MCTP1: variants seen among roughly 807,000 people sequenced by gnomAD.
The protein encoded by MCTP1 is multiple C2 and transmembrane domain-containing protein 1.
A neutral mutation model predicts 120.6 loss-of-function variants in MCTP1; 69 were observed. That is an observed-to-expected ratio of 0.57 (90% CI 0.47 to 0.70). MCTP1 has a LOEUF of 0.70. Among genes scored for constraint, MCTP1 ranks in the 30% least tolerant of loss-of-function variants. The pLI is 0.00. For synonymous variants in MCTP1, 529 were observed against 493.1 expected (o/e 1.07, Z -0.96); for missense variants, 1,203 against 1,248.8 (o/e 0.96, Z 0.55).
At chr5:95,043,131 C>T (rs927711408) in intron 1 of MCTP1, among the ~76,000 whole-genome samples, 2 of 152,182 alleles carry the variant, frequency 1.3e-5, no homozygotes, top group South Asian at 2.1e-4. Flanking sequence ...GTTTCCCATA[C>T]AGCTGCCAAG....
chr5:94,720,664 C>T (rs986358468), intron 19 of MCTP1, among the ~76,000 whole-genome samples: 4 of 152,048 alleles, frequency 2.6e-5, no homozygotes, highest in African/African-American at 4.8e-5. Context: ...TTCTTCATAC[C>T]TTCCTGTAAT....
chr5:94,813,606 G>A (rs1346862522), intron 17 of MCTP1, among the ~76,000 whole-genome samples: 1 of 152,032 alleles, frequency 6.6e-6, no homozygotes, highest in Non-Finnish European at 1.5e-5. Context: ...TATATCCAAG[G>A]AATACTATTC....
At chr5:94,831,699 T>C in intron 17 of MCTP1, among the ~76,000 whole-genome samples, 1 of 150,260 alleles carries the variant, frequency 6.7e-6, no homozygotes, top group African/African-American at 2.5e-5. Flanking sequence ...CTTTAATGAG[T>C]TTTATTTTAA....
intron 12 of MCTP1, among the ~76,000 whole-genome samples, chr5:94,881,737 G>A (rs1296726822): frequency 2.0e-5 from 3 of 152,116 alleles, no homozygotes; most frequent in African/African-American, 7.2e-5. Context: ...GATAATTCTT[G>A]CACCAAGCTC....
intron 1 of MCTP1, among the ~76,000 whole-genome samples, chr5:95,171,879 T>A (rs537624199): frequency 1.3e-5 from 2 of 152,056 alleles, no homozygotes; most frequent in South Asian, 2.1e-4. Flanking sequence ...CTCGGAGGAG[T>A]TTAATCGTCT....
intron 6 of MCTP1, 57 bp from the exon 7 acceptor site, chr5:94,924,078 T>C (rs1812390376): frequency 2.0e-6 from 2 of 1,003,562 alleles, no homozygotes; most frequent in Admixed American, 5.7e-5. Context: ...ATAATTAATA[T>C]TGTAAATACA....
At chr5:94,894,560 C>T in intron 11 of MCTP1, 89 bp downstream of exon 11, 1 of 990,078 alleles carries the variant, frequency 1.0e-6, no homozygotes, top group Non-Finnish European at 1.4e-6. Flanking sequence ...CAGACAACTT[C>T]TCAGAAGTAC....
intron 1 of MCTP1, among the ~76,000 whole-genome samples, chr5:95,214,851 A>T (rs1381012930): frequency 1.7e-5 from 2 of 117,432 alleles, no homozygotes; most frequent in Non-Finnish European, 3.3e-5. Flanking sequence ...AGCATCACAC[A>T]CCGGGGACTG....
chr5:94,821,709 C>T (rs1290264431), intron 17 of MCTP1, among the ~76,000 whole-genome samples: 1 of 152,070 alleles, frequency 6.6e-6, no homozygotes, highest in Non-Finnish European at 1.5e-5. Context: ...CCAGGACCAC[C>T]CTCTGATACA....
intron 17 of MCTP1, among the ~76,000 whole-genome samples, chr5:94,805,065 T>A (rs944531966): frequency 2.0e-5 from 3 of 152,238 alleles, no homozygotes; most frequent in Admixed American, 1.3e-4. Context: ...TAACAATTTT[T>A]TAACAATCTT....
At chr5:94,843,712 C>A (rs768673182) in intron 17 of MCTP1, among the ~76,000 whole-genome samples, 1 of 152,080 alleles carries the variant, frequency 6.6e-6, no homozygotes, top group Non-Finnish European at 1.5e-5. Flanking sequence ...ATAGTCAATA[C>A]TAAAGCTAAA....
At chr5:95,073,940 G>A (rs1456197824) in intron 1 of MCTP1, among the ~76,000 whole-genome samples, 3 of 152,120 alleles carry the variant, frequency 2.0e-5, no homozygotes, top group Admixed American at 6.5e-5. Context: ...GTGAAACCCC[G>A]TCTCTACTGA....
At chr5:94,801,038 T>C (rs982206682) in intron 17 of MCTP1, among the ~76,000 whole-genome samples, 1 of 152,088 alleles carries the variant, frequency 6.6e-6, no homozygotes, top group South Asian at 2.1e-4. Flanking sequence ...TAAAGATAAT[T>C]ATTTTTTTAG....
At chr5:94,778,975 T>G (rs1008316703) in intron 19 of MCTP1, 135 bp downstream of exon 19, 15 of 722,668 alleles carry the variant, frequency 2.1e-5, no homozygotes, top group Non-Finnish European at 3.5e-5. Flanking sequence ...GCAGTGGCAT[T>G]GTTAGGATGA....
chr5:94,821,096 G>A (rs1244293473), intron 17 of MCTP1, among the ~76,000 whole-genome samples: 3 of 152,138 alleles, frequency 2.0e-5, no homozygotes, highest in Non-Finnish European at 2.9e-5. Flanking sequence ...AAATTTCATC[G>A]TCTGTATATA....
chr5:95,025,227 C>A (rs959639722), intron 1 of MCTP1, among the ~76,000 whole-genome samples: 1 of 151,984 alleles, frequency 6.6e-6, no homozygotes, highest in Non-Finnish European at 1.5e-5. Context: ...GACATACTAA[C>A]AAATGAAATA....
chr5:94,910,036 T>C (rs948527632), intron 9 of MCTP1, among the ~76,000 whole-genome samples: 1 of 152,010 alleles, frequency 6.6e-6, no homozygotes, highest in Non-Finnish European at 1.5e-5. Flanking sequence ...ACTCAAAGTC[T>C]TTGATTAAAG....
chr5:95,010,381 C>T (rs1835694767), intron 2 of MCTP1, among the ~76,000 whole-genome samples: 1 of 152,096 alleles, frequency 6.6e-6, no homozygotes. Context: ...TGCTTCCTAG[C>T]TTTTCTTCTC....
intron 11 of MCTP1, among the ~76,000 whole-genome samples, chr5:94,893,164 G>A (rs997863888): frequency 2.6e-5 from 4 of 152,062 alleles, no homozygotes; most frequent in African/African-American, 9.7e-5. Context: ...ATTCTGAATG[G>A]AAATGGCCAA....
Sources: gnomAD v4.1 joint callset for allele counts (sites outside exome capture counted in the v4.1 genomes callset) on GRCh38, gnomAD v4.1.1 for gene constraint, MANE v1.5 for transcripts, NCBI Gene and HGNC (gene_info 2026-07-23, HGNC 2026-07-21) for gene names.